The following TPO variants were observed in gnomAD, a reference collection of about 807,000 sequenced individuals.
The protein encoded by TPO is thyroid peroxidase.
A neutral mutation model predicts 96.9 loss-of-function variants in TPO; 78 were observed. The observed-to-expected ratio is 0.81, with a 90% CI of 0.67 to 0.97. The LOEUF (loss-of-function observed/expected upper bound fraction) is 0.97, where lower values mean the gene tolerates loss of function less well. Among genes scored for constraint, TPO ranks in the 50% least tolerant of loss-of-function variants. The pLI is 0.00. For synonymous variants in TPO, 547 were observed against 538.0 expected (o/e 1.02, Z -0.23); for missense variants, 1,252 against 1,274.8 (o/e 0.98, Z 0.27).
chr2:1,523,719 C>CACCAAA (rs1675738605), intron 15 of TPO, among the ~76,000 whole-genome samples: 1 of 119,058 alleles, frequency 8.4e-6, no homozygotes. Context: ...TGTGTGCAAC[C>CACCAAA]TCCTCAGGTC....
chr2:1,409,586 A>G (rs866297142), upstream of TPO, among the ~76,000 whole-genome samples: 1 of 152,058 alleles, frequency 6.6e-6, no homozygotes, highest in African/African-American at 2.4e-5. Flanking sequence ...CAGGGAGTGG[A>G]CGTGGATCCA....
At chr2:1,400,417 TG>T (rs1558246855) in intron 1 of TPO, among the ~76,000 whole-genome samples, 2 of 152,084 alleles carry the variant, frequency 1.3e-5, no homozygotes, top group South Asian at 4.2e-4. Flanking sequence ...TGCTTGAATT[TG>T]GGAGGCAAAG....
chr2:1,438,958 C>A (rs1038542307), intron 5 of TPO: 7 of 684,634 alleles, frequency 1.0e-5, no homozygotes, highest in Non-Finnish European at 1.6e-5. Flanking sequence ...ACCTGCAAAG[C>A]CTGCCCCTGG....
intron 1 of TPO, among the ~76,000 whole-genome samples, chr2:1,388,800 G>A (rs890780023): frequency 5.3e-5 from 8 of 152,076 alleles, no homozygotes; most frequent in African/African-American, 1.4e-4. Flanking sequence ...CTTCTGCGTC[G>A]CTCACACTGG....
At chr2:1,440,535 G>T (rs555179619) in intron 5 of TPO, among the ~76,000 whole-genome samples, 1 of 152,184 alleles carries the variant, frequency 6.6e-6, no homozygotes, top group Non-Finnish European at 1.5e-5. Flanking sequence ...CTACCTTGTT[G>T]AAAGAGAAGG....
chr2:1,528,955 TCCTCCTAAAATCCCCCCACTGTGAGTAA>T (rs1238338546), intron 15 of TPO, among the ~76,000 whole-genome samples: 52 of 95,940 alleles, frequency 5.4e-4, no homozygotes, highest in South Asian at 4.0e-3. Context: ...AGTGTGCGCA[TCCTCCTAAAATCCCCCCACTGTGAGTAA>T]CCTCCTAAAA....
At position 1,436,415 on chromosome 2, in the gene TPO, G is replaced by A. The variant is rs28909384; in HGVS notation, c.482+31G>A. The A allele has an allele frequency of 2.4e-3, 3,910 of 1,613,894 alleles. 63 individuals carry two copies. The African/African-American group carries it at 0.042, about 17-fold the overall frequency. On this transcript the variant is annotated intron_variant, in intron 5 of 16. Coordinates refer to ENST00000329066, the MANE Select transcript of TPO (RefSeq NM_001206744.2). ...GTTTGTGGATTTTCTTAATCTTCTC[G>A]TGAAAGTTGGATCTGAACATGACTA...
chr2:1,432,396 C>A (rs947407981), intron 3 of TPO, among the ~76,000 whole-genome samples: 1 of 152,244 alleles, frequency 6.6e-6, no homozygotes, highest in Non-Finnish European at 1.5e-5. Context: ...GTTGTGAAAC[C>A]TTGGATTGGT....
At chr2:1,520,792 AT>A (rs1675176839) in intron 15 of TPO, among the ~76,000 whole-genome samples, 1 of 152,222 alleles carries the variant, frequency 6.6e-6, no homozygotes, top group African/African-American at 2.4e-5. Context: ...TCTTTGGTCC[AT>A]GTCAGTTTTG....
intron 15 of TPO, among the ~76,000 whole-genome samples, chr2:1,536,655 GTGTGCAACCTCCCCAGATCTCCTTTC>G (rs1679723273): frequency 6.3e-5 from 1 of 15,968 alleles, no homozygotes; most frequent in Non-Finnish European, 1.2e-4. Context: ...CCCCCCCACT[GTGTGCAACCTCCCCAGATCTCCTTTC>G]TGTGCAACCT....
In TPO at chr2:1,433,578, T is replaced by G; in HGVS notation, c.320T>G (p.Leu107Arg). ...SIQAMKRKVN[L>R]KTQQSQHPTD... ...CAAGCGATGAAAAGAAAAGTCAACC[T>G]GAAAACTCAACAATCACAGCATCCA... Residue 107 changes from leucine to arginine, a missense_variant, in exon 4 of 17, where the codon CTG (leucine) becomes CGG (arginine). Transcript: ENST00000329066. The G allele has an allele frequency of 6.2e-7, 1 of 1,614,066 alleles. No homozygotes were observed. Among genetic ancestry groups the G allele is most frequent in the Non-Finnish European group, 8.5e-7 (1 of 1,180,004 alleles).
chr2:1,453,785 A>G lies in TPO; in HGVS notation c.574A>G (p.Asn192Asp). The change falls in exon 6 of 17, where the codon AAC (asparagine) becomes GAC (aspartate). Residue 192 changes from asparagine (N) to aspartate (D), a missense_variant. Coordinates refer to ENST00000329066, the MANE Select transcript of TPO (RefSeq NM_001206744.2). ...CGGCTTCAGTCAGCCCCGAGGCTGG[A>G]ACCCCGGCTTCTTGTACAACGGGTT... ...EDGFSQPRGWNPGFLYNGFPL... is the reference protein window; with the variant it reads ...EDGFSQPRGWDPGFLYNGFPL... The G allele has an allele frequency of 6.2e-7, 1 of 1,613,814 alleles. No individual in the cohort carries two copies. Among genetic ancestry groups the G allele is most frequent in the East Asian group, 2.2e-5 (1 of 44,880 alleles).
chr2:1,493,155 T>G (rs901674990), intron 10 of TPO, among the ~76,000 whole-genome samples: 3 of 128,288 alleles, frequency 2.3e-5, no homozygotes, highest in Non-Finnish European at 4.7e-5. Context: ...GTCTTCAATA[T>G]GGAGATGAGT....
chr2:1,445,616 C>T (rs1159154727), intron 5 of TPO, among the ~76,000 whole-genome samples: 16 of 141,104 alleles, frequency 1.1e-4, no homozygotes, highest in Admixed American at 2.1e-4. Context: ...CAGGAGGTAC[C>T]ATGTTGGAAG....
At chr2:1,423,806 T>C (rs2014911) in intron 3 of TPO, among the ~76,000 whole-genome samples, 36,857 of 152,152 alleles carry the variant, frequency 0.24, 4,667 homozygotes, top group Admixed American at 0.35. Flanking sequence ...ACTGTTCATA[T>C]TGGCTGCAAA....
At chr2:1,497,266 C>G (rs567005123) in intron 13 of TPO, among the ~76,000 whole-genome samples, 1 of 152,334 alleles carries the variant, frequency 6.6e-6, no homozygotes, top group East Asian at 1.9e-4. Flanking sequence ...AATTTGAGAG[C>G]AGGATGGGGA....
intron 7 of TPO, among the ~76,000 whole-genome samples, chr2:1,459,907 T>C (rs6588674): frequency 0.57 from 86,813 of 151,014 alleles, 25,196 homozygotes; most frequent in East Asian, 0.77. Flanking sequence ...CTGCATGTGT[T>C]CCCTGCTGCA....
intron 8 of TPO, among the ~76,000 whole-genome samples, chr2:1,481,026 C>T (rs1448205672): frequency 6.6e-6 from 1 of 150,846 alleles, no homozygotes; most frequent in African/African-American, 2.4e-5. Flanking sequence ...GTGCTGGTTC[C>T]TGGGATCCGG....
intron 2 of TPO, among the ~76,000 whole-genome samples, chr2:1,415,299 A>G (rs541962255): frequency 0.012 from 793 of 64,736 alleles, no homozygotes; most frequent in Middle Eastern, 0.034. Flanking sequence ...GTGACACCTC[A>G]CTGGGCAGGT....
Sources: gnomAD v4.1 joint callset for allele counts (sites outside exome capture counted in the v4.1 genomes callset) on GRCh38, gnomAD v4.1.1 for gene constraint, MANE v1.5 for transcripts, NCBI Gene and HGNC (gene_info 2026-07-23, HGNC 2026-07-21) for gene names.